FCHSD2: variants seen among roughly 807,000 people sequenced by gnomAD.
FCHSD2 encodes the protein FCH and double SH3 domains 2.
FCHSD2 carries 38 observed loss-of-function variants against 108.1 expected under a neutral mutation model. The ratio of observed to expected loss-of-function variants is 0.35; its 90% CI spans 0.27 to 0.46. FCHSD2 has a LOEUF of 0.46. FCHSD2 is among the 20% of genes least tolerant of loss of function. The pLI is 1.00. For missense variants in FCHSD2, 751 were observed against 897.8 expected, an observed-to-expected ratio of 0.84 and a Z score of 2.09; for synonymous variants, 279 against 314.7, an observed-to-expected ratio of 0.89 and a Z score of 1.20.
At chr11:73,080,116 T>C (rs1030639677) in intron 3 of FCHSD2, among the ~76,000 whole-genome samples, 1 of 151,578 alleles carries the variant, frequency 6.6e-6, no homozygotes, top group South Asian at 2.1e-4. Context: ...CTGGGCAACA[T>C]AGTAAGACCC....
At chr11:73,093,976 C>T (rs1027448375) in intron 2 of FCHSD2, among the ~76,000 whole-genome samples, 1 of 151,970 alleles carries the variant, frequency 6.6e-6, no homozygotes, top group Non-Finnish European at 1.5e-5. Flanking sequence ...TTTGGAAGGC[C>T]GAGTCAGGCG....
intron 2 of FCHSD2, among the ~76,000 whole-genome samples, chr11:73,108,392 A>G (rs1043510778): frequency 7.9e-5 from 12 of 152,176 alleles, no homozygotes; most frequent in African/African-American, 2.4e-4. Flanking sequence ...TTTGCTGTAC[A>G]TAAGCTTTTT....
chr11:73,098,575 G>C (rs1236354018), intron 2 of FCHSD2, among the ~76,000 whole-genome samples: 1 of 151,946 alleles, frequency 6.6e-6, no homozygotes, highest in East Asian at 1.9e-4. Flanking sequence ...TTTACAGTAT[G>C]GTTAGTTGGA....
rs190770993 is a variant in FCHSD2 at position 73,010,349 on chromosome 11, T to C, written c.242+5460A>G. On this transcript the variant is annotated intron_variant, in intron 4 of 19. Transcript: ENST00000409418. ...TTTTCAGAATTTTCTTGTATCTCAT[T>C]GAGCTTCTTTAATATCAACATTTTG... 1.6e-3 allele frequency among the ~76,000 whole-genome samples: 243 copies of C among 152,364 alleles called. 1 individual carries two copies. The highest frequency in any genetic ancestry group is 5.2e-3 in the South Asian group (25 of 4,834).
intron 2 of FCHSD2, among the ~76,000 whole-genome samples, chr11:73,133,711 T>C (rs1861055459): frequency 7.0e-6 from 1 of 143,414 alleles, no homozygotes; most frequent in African/African-American, 2.6e-5. Context: ...CAGAATTGCA[T>C]GAACCCAGGA....
intron 13 of FCHSD2, among the ~76,000 whole-genome samples, chr11:72,863,670 T>G (rs1854652530): frequency 6.6e-6 from 1 of 151,934 alleles, no homozygotes; most frequent in Non-Finnish European, 1.5e-5. Flanking sequence ...CCAATAAAAA[T>G]TAAACAAAGA....
chr11:73,008,729 A>G (rs1857796248), intron 4 of FCHSD2, among the ~76,000 whole-genome samples: 1 of 152,220 alleles, frequency 6.6e-6, no homozygotes, highest in Non-Finnish European at 1.5e-5. Context: ...GGGGAGTGAC[A>G]GTAGGCCTGT....
chr11:73,010,166 T>C (rs1004836009), intron 4 of FCHSD2, among the ~76,000 whole-genome samples: 2 of 152,216 alleles, frequency 1.3e-5, no homozygotes, highest in Non-Finnish European at 2.9e-5. Context: ...TCTTCTCTTT[T>C]GCTTGATCTA....
intron 3 of FCHSD2, among the ~76,000 whole-genome samples, chr11:73,057,844 G>A (rs1460858542): frequency 6.6e-6 from 1 of 151,846 alleles, no homozygotes; most frequent in Non-Finnish European, 1.5e-5. Context: ...GAGGAGCCTG[G>A]GACACATAAG....
At chr11:73,025,142 A>G (rs1858196857) in intron 3 of FCHSD2, among the ~76,000 whole-genome samples, 1 of 152,256 alleles carries the variant, frequency 6.6e-6, no homozygotes. Context: ...TACTGGGTAC[A>G]TACCCAAAGG....
chr11:72,883,498 T>TAC, intron 12 of FCHSD2, among the ~76,000 whole-genome samples: 1 of 152,180 alleles, frequency 6.6e-6, no homozygotes, highest in Non-Finnish European at 1.5e-5. Flanking sequence ...ACAAATACTT[T>TAC]ACTAAGGGGG....
At chr11:72,940,420 G>A in intron 8 of FCHSD2, 1 of 587,574 alleles carries the variant, frequency 1.7e-6, no homozygotes, top group South Asian at 2.0e-5. Flanking sequence ...ATGTAATGAG[G>A]TTAGTATAAT....
At chr11:73,051,856 A>T (rs369316091) in intron 3 of FCHSD2, among the ~76,000 whole-genome samples, 1 of 145,988 alleles carries the variant, frequency 6.8e-6, no homozygotes, top group African/African-American at 2.6e-5. Flanking sequence ...CAGGATGCTA[A>T]CACGGTATAT....
intron 13 of FCHSD2, among the ~76,000 whole-genome samples, chr11:72,860,874 A>AACAT (rs1019512428): frequency 7.9e-5 from 12 of 152,306 alleles, no homozygotes; most frequent in Admixed American, 7.2e-4. Flanking sequence ...ATGATGACAC[A>AACAT]ACATACCAGA....
At chr11:73,099,454 C>A (rs180923953) in intron 2 of FCHSD2, among the ~76,000 whole-genome samples, 56 of 152,248 alleles carry the variant, frequency 3.7e-4, no homozygotes, top group Non-Finnish European at 5.7e-4. Flanking sequence ...AAGGTATATA[C>A]TCGAGAGAAA....
chr11:72,940,942 C>T (rs1856404079), intron 8 of FCHSD2: 2 of 775,896 alleles, frequency 2.6e-6, no homozygotes, highest in Non-Finnish European at 2.3e-6. Flanking sequence ...TCCTGACACC[C>T]AATGGATCAC....
Position 73,113,353 on chromosome 11 carries a change from C to CTTTT in FCHSD2, c.119+26674_119+26677dup, listed in dbSNP as rs35979371. 3.6e-3 allele frequency among the ~76,000 whole-genome samples: 108 copies of CTTTT among 29,932 alleles called. 11 individuals carry two copies. The highest frequency in any genetic ancestry group is 4.9e-3 in the Non-Finnish European group (79 of 16,116). 19.6% of individuals were successfully genotyped at this position (29,932 alleles called of 152,430 possible). On this transcript the variant is annotated intron_variant, in intron 2 of 19. Transcript: ENST00000409418. ...TGATCATCATGCTTCCCAAGATGGT[C>CTTTT]TTTTTTTTTTTTTTTTTTTTTTTTT...
chr11:72,970,405 ATG>A (rs1856986694), intron 8 of FCHSD2, among the ~76,000 whole-genome samples: 1 of 152,146 alleles, frequency 6.6e-6, no homozygotes, highest in East Asian at 1.9e-4. Context: ...GAAAAATATC[ATG>A]TGTTATAGAA....
intron 19 of FCHSD2, 25 bp from the exon 20 acceptor site, chr11:72,838,899 T>C (rs758900995): frequency 5.7e-6 from 9 of 1,588,260 alleles, no homozygotes; most frequent in Non-Finnish European, 7.7e-6. Context: ...ATTACGTAGT[T>C]TGTCAGTCAG....
Sources: allele counts gnomAD v4.1 joint callset (sites outside exome capture counted in the v4.1 genomes callset), GRCh38; gene constraint gnomAD v4.1.1; transcripts MANE v1.5; gene names NCBI Gene and HGNC (gene_info 2026-07-23, HGNC 2026-07-21).